ADCY1: variants seen among roughly 807,000 people sequenced by gnomAD.
The protein encoded by ADCY1 is adenylate cyclase 1.
A neutral mutation model predicts 105.4 loss-of-function variants in ADCY1; 28 were observed. That is an observed-to-expected ratio of 0.27 (90% confidence interval 0.20 to 0.36). The LOEUF (loss-of-function observed/expected upper bound fraction) is 0.36, where lower values mean the gene tolerates loss of function less well. ADCY1 is among the 10% of genes least tolerant of loss of function. The pLI is 1.00. For synonymous variants in ADCY1, 655 were observed against 623.8 expected (o/e 1.05, Z -0.75); for missense variants, 977 against 1,434.2 (o/e 0.68, Z 5.15).
In ADCY1 at chr7:45,721,748, GA is replaced by G. The variant is rs1431977509; in HGVS notation, c.*7754del. The G allele has an allele frequency of 2.0e-5, 8 of 398,544 alleles. No homozygotes were observed. Among genetic ancestry groups the G allele is most frequent in the African/African-American group, 1.6e-4 (8 of 48,596 alleles). The allele number at this position is 398,544 out of a possible 1,614,324, so 24.7% of individuals were successfully genotyped here. On this transcript the variant is annotated 3_prime_UTR_variant, in exon 20 of 20. Coordinates refer to ENST00000297323, the MANE Select transcript of ADCY1 (RefSeq NM_021116.4). ...TTCAGCAGGAGTTCAGAGGGCTTATGATGGATGGTGAGAGATTTGACAACCA... is the reference window on the plus strand; with the variant it reads ...TTCAGCAGGAGTTCAGAGGGCTTATGTGGATGGTGAGAGATTTGACAACCA...
At chr7:45,654,870 C>G (rs1217457767) in intron 5 of ADCY1, among the ~76,000 whole-genome samples, 9 of 152,058 alleles carry the variant, frequency 5.9e-5, no homozygotes, top group Admixed American at 5.9e-4. Flanking sequence ...AAACTGAGTC[C>G]TAGGTAGGGA....
At chr7:45,601,087 G>C (rs546650268) in intron 2 of ADCY1, among the ~76,000 whole-genome samples, 1 of 152,334 alleles carries the variant, frequency 6.6e-6, no homozygotes, top group East Asian at 1.9e-4. Flanking sequence ...GATGCTGCGT[G>C]TGAGTCCTGG....
chr7:45,636,772 C>G (rs1487009630), intron 4 of ADCY1, among the ~76,000 whole-genome samples: 1 of 152,212 alleles, frequency 6.6e-6, no homozygotes, highest in African/African-American at 2.4e-5. Flanking sequence ...AACTTCTGAC[C>G]TCAGGGAATC....
In ADCY1 at chr7:45,677,140, G is replaced by A. The variant is rs558541214; in HGVS notation, c.1606-729G>A. Among the ~76,000 whole-genome samples the A allele has an allele frequency of 2.6e-5, 4 of 152,162 alleles. No individual in the cohort carries two copies. In the East Asian group the frequency reaches 7.7e-4, roughly 29 times the overall value. ...TCTTTCCACCTTTCACAGTCTGTGT[G>A]CTTATTTTACATGTATTGTCAGTGC... On this transcript the variant is annotated intron_variant, in intron 8 of 19. Coordinates refer to ENST00000297323, the MANE Select transcript of ADCY1 (RefSeq NM_021116.4).
At chr7:45,613,939 G>A (rs764055398) in intron 3 of ADCY1, among the ~76,000 whole-genome samples, 9 of 152,006 alleles carry the variant, frequency 5.9e-5, no homozygotes, top group South Asian at 2.1e-4. Context: ...AAAACATGAA[G>A]GAATAAAGAC....
In ADCY1 at chr7:45,719,292, A is replaced by G. The variant is rs1369526558; in HGVS notation, c.*5297A>G. The G allele has an allele frequency of 6.6e-6, 1 of 152,344 alleles. No homozygotes were observed. Among genetic ancestry groups the G allele is most frequent in the African/African-American group, 2.4e-5 (1 of 41,462 alleles). The allele number at this position is 152,344 out of a possible 1,614,324, so 9.4% of individuals were successfully genotyped here. On this transcript the variant is annotated 3_prime_UTR_variant, in exon 20 of 20. Coordinates refer to ENST00000297323, the MANE Select transcript of ADCY1 (RefSeq NM_021116.4). ...GGAGCTTGGAGCCCTCCGCTCACCT[A>G]GAGGAGCCCTGGGACACGCACTGGA...
At chr7:45,652,823 C>T (rs1416943081) in intron 5 of ADCY1, among the ~76,000 whole-genome samples, 2 of 152,126 alleles carry the variant, frequency 1.3e-5, no homozygotes, top group African/African-American at 4.8e-5. Context: ...TCCCAGGGCC[C>T]CTACCTTCCT....
At chr7:45,640,064 G>A (rs867764613) in intron 4 of ADCY1, among the ~76,000 whole-genome samples, 2 of 152,228 alleles carry the variant, frequency 1.3e-5, no homozygotes, top group Non-Finnish European at 2.9e-5. Flanking sequence ...GTGTTGTGCC[G>A]GGTTTAAGAA....
chr7:45,667,742 T>C lies in ADCY1; in HGVS notation c.1605+5528T>C, dbSNP rs531640003. On this transcript the variant is annotated intron_variant, in intron 8 of 19. Transcript: ENST00000297323. ...GGGCAGTATGGCCATTTTCATGATA[T>C]TAATTCTTCCTATCCGTGAGCATGG... Among the ~76,000 whole-genome samples, 7 of 152,368 alleles carry C rather than the reference T, an allele frequency of 4.6e-5. No homozygotes were observed. In the South Asian group the frequency reaches 1.2e-3, roughly 27 times the overall value.
intron 8 of ADCY1, among the ~76,000 whole-genome samples, chr7:45,668,106 T>C (rs1784297863): frequency 6.6e-6 from 1 of 152,228 alleles, no homozygotes; most frequent in Non-Finnish European, 1.5e-5. Context: ...TTTGCCTAAT[T>C]GAATACCCTT....
chr7:45,617,679 G>T (rs1793774616), intron 3 of ADCY1, among the ~76,000 whole-genome samples: 1 of 152,078 alleles, frequency 6.6e-6, no homozygotes. Flanking sequence ...TTTAACCAAG[G>T]ATGTAAAAGA....
At position 45,714,815 on chromosome 7, in the gene ADCY1, C is replaced by T. The variant is rs1211315098; in HGVS notation, c.*820C>T. On this transcript the variant is annotated 3_prime_UTR_variant, in exon 20 of 20. Coordinates refer to ENST00000297323, the MANE Select transcript of ADCY1 (RefSeq NM_021116.4). ...GCTTCCAGCTCCTAAAACACCTGGA[C>T]ATTCCCCATCCTGCACCGGCACTGT... The T allele has an allele frequency of 6.6e-6, 1 of 152,620 alleles. No individual in the cohort carries two copies. The highest frequency in any genetic ancestry group is 1.5e-5 in the Non-Finnish European group (1 of 68,110). The allele number at this position is 152,620 out of a possible 1,614,324, so 9.5% of individuals were successfully genotyped here.
chr7:45,609,240 A>C (rs542143220), intron 2 of ADCY1, among the ~76,000 whole-genome samples: 11 of 152,272 alleles, frequency 7.2e-5, no homozygotes, highest in Non-Finnish European at 7.3e-5. Flanking sequence ...CCTTCCGAGA[A>C]AGTCACACAG....
intron 1 of ADCY1, among the ~76,000 whole-genome samples, chr7:45,583,869 A>T (rs963636266): frequency 3.5e-5 from 5 of 143,774 alleles, no homozygotes; most frequent in Non-Finnish European, 7.5e-5. Context: ...CGAACTCCTG[A>T]CCTCAGGTGA....
chr7:45,650,253 A>G (rs1430695204), intron 5 of ADCY1, among the ~76,000 whole-genome samples: 1 of 152,114 alleles, frequency 6.6e-6, no homozygotes, highest in Non-Finnish European at 1.5e-5. Flanking sequence ...AACATATCAC[A>G]TATTATATAT....
chr7:45,656,987 A>G (rs574229402), intron 5 of ADCY1, among the ~76,000 whole-genome samples: 1 of 152,244 alleles, frequency 6.6e-6, no homozygotes, highest in South Asian at 2.1e-4. Flanking sequence ...AGGCATAGAG[A>G]TGGGCATCGT....
chr7:45,722,050 G>A lies in ADCY1; in HGVS notation c.*8055G>A, dbSNP rs1055077044. 2.6e-5 allele frequency: 10 copies of A among 381,752 alleles called. No homozygotes were observed. The highest frequency in any genetic ancestry group is 1.1e-4 in the East Asian group (3 of 27,050). The allele number at this position is 381,752 out of a possible 1,614,324, so 23.6% of individuals were successfully genotyped here. On this transcript the variant is annotated 3_prime_UTR_variant, in exon 20 of 20. Coordinates refer to ENST00000297323, the MANE Select transcript of ADCY1 (RefSeq NM_021116.4). ...GAGGGCAGTGGGAAGCTGGCCCGAC[G>A]GCAGCCAGAACTTGTTTCTCACCTC... is the stretch of plus-strand genomic sequence containing the variant.
chr7:45,631,695 A>G (rs1214624153), intron 4 of ADCY1, among the ~76,000 whole-genome samples: 1 of 152,266 alleles, frequency 6.6e-6, no homozygotes, highest in Non-Finnish European at 1.5e-5. Flanking sequence ...TTTTGTGCGC[A>G]TGTGAATTCT....
intron 5 of ADCY1, among the ~76,000 whole-genome samples, chr7:45,655,784 G>T (rs950500094): frequency 6.6e-6 from 1 of 152,192 alleles, no homozygotes; most frequent in South Asian, 2.1e-4. Flanking sequence ...GTGGGCATGG[G>T]TCCCAGAAGT....
Sources: allele counts gnomAD v4.1 joint callset (sites outside exome capture counted in the v4.1 genomes callset), GRCh38; gene constraint gnomAD v4.1.1; transcripts MANE v1.5; gene names NCBI Gene and HGNC (gene_info 2026-07-23, HGNC 2026-07-21).